TMEM19: variants seen among roughly 807,000 people sequenced by gnomAD.
The protein encoded by TMEM19 is transmembrane protein 19.
Under a neutral mutation model 33.6 loss-of-function variants are expected in TMEM19, and 21 were observed. The ratio of observed to expected loss-of-function variants is 0.62; its 90% CI spans 0.44 to 0.90. TMEM19 has a LOEUF of 0.90. Ranked by LOEUF, TMEM19 falls within the 40% of genes least tolerant of loss-of-function variation. TMEM19 has a pLI of 0.00. For synonymous variants in TMEM19, 149 were observed against 147.5 expected, an observed-to-expected ratio of 1.01 and a Z score of -0.07; for missense variants, 402 against 401.8, an observed-to-expected ratio of 1.00 and a Z score of 0.00.
chr12:71,686,784 T>C lies in TMEM19; in HGVS notation c.104T>C (p.Ile35Thr). The C allele has an allele frequency of 6.2e-7, 1 of 1,612,302 alleles. No individual in the cohort carries two copies. The highest frequency in any genetic ancestry group is 8.5e-7 in the Non-Finnish European group (1 of 1,179,644). ...TGCATTTCGTTAGCTTTCTGGATTA[T>C]ATCAATGACTGCAAGCACCTATTAT... ...IICISLAFWI[I>T]SMTASTYYGN... is the part of the protein sequence containing the mutation. The change falls in exon 1 of 6, where the codon ATA becomes ACA. Residue 35 changes from isoleucine to threonine, a missense_variant. By Grantham distance (89) the Ile-to-Thr change is moderately conservative (BLOSUM62 -1). Coordinates refer to ENST00000266673, the MANE Select transcript of TMEM19 (RefSeq NM_018279.4).
At chr12:71,698,793 G>GA in intron 4 of TMEM19, 107 bp from the exon 5 acceptor site, 1 of 950,592 alleles carries the variant, frequency 1.1e-6, no homozygotes, top group South Asian at 1.6e-5. Context: ...GCATTAAAGA[G>GA]AATGCTTTCT....
In TMEM19 at chr12:71,701,118, T is replaced by A; in HGVS notation, c.*123T>A. The A allele has an allele frequency of 1.0e-6, 1 of 994,074 alleles. No individual in the cohort carries two copies. Among genetic ancestry groups the A allele is most frequent in the Non-Finnish European group, 1.4e-6 (1 of 702,518 alleles). 61.6% of individuals were successfully genotyped at this position (994,074 alleles called of 1,614,324 possible). On this transcript the variant is annotated 3_prime_UTR_variant, in exon 6 of 6. Coordinates refer to ENST00000266673, the MANE Select transcript of TMEM19 (RefSeq NM_018279.4). ...AATGCCAGTTCCTCCTGTATTCCATTGAGATGGGATTTCACATTTTCCTCT... is the reference window on the plus strand; with the variant it reads ...AATGCCAGTTCCTCCTGTATTCCATAGAGATGGGATTTCACATTTTCCTCT...
chr12:71,690,261 C>A (rs1247620431), intron 2 of TMEM19: 1 of 152,726 alleles, frequency 6.5e-6, no homozygotes, highest in East Asian at 1.9e-4. Flanking sequence ...TCAAGCGATT[C>A]TTGTGCCTCA....
At chr12:71,689,479 G>T in intron 1 of TMEM19, 112 bp from the exon 2 acceptor site, 2 of 780,584 alleles carry the variant, frequency 2.6e-6, no homozygotes, top group Non-Finnish European at 4.6e-6. Flanking sequence ...CTTCATCTTG[G>T]TGTTTGTACT....
In TMEM19 at chr12:71,703,926, A is replaced by G; in HGVS notation, c.*2931A>G. ...AGTCTTACATGTATTTTACTGTAAC[A>G]TCTTTTGAATTGGATATTTAACTAA... is the stretch of plus-strand genomic sequence containing the variant. On this transcript the variant is annotated 3_prime_UTR_variant, in exon 6 of 6. Coordinates refer to ENST00000266673, the MANE Select transcript of TMEM19 (RefSeq NM_018279.4). The G allele has an allele frequency of 2.7e-6, 1 of 375,040 alleles. No homozygotes were observed. Among genetic ancestry groups the G allele is most frequent in the Non-Finnish European group, 5.5e-6 (1 of 181,704 alleles). The allele number at this position is 375,040 out of a possible 1,614,324, so 23.2% of individuals were successfully genotyped here.
At chr12:71,693,147 A>G (rs748779355) in intron 2 of TMEM19, among the ~76,000 whole-genome samples, 18 of 151,812 alleles carry the variant, frequency 1.2e-4, no homozygotes, top group Non-Finnish European at 2.7e-4. Flanking sequence ...GTGAGCTGAG[A>G]TCATGCTGCT....
At chr12:71,687,974 G>C (rs531664161) in intron 1 of TMEM19, among the ~76,000 whole-genome samples, 9 of 152,298 alleles carry the variant, frequency 5.9e-5, no homozygotes, top group African/African-American at 1.9e-4. Flanking sequence ...AGTGCAGTTC[G>C]TTCATAATGA....
chr12:71,699,312 C>T, intron 5 of TMEM19: 1 of 619,452 alleles, frequency 1.6e-6, no homozygotes, highest in South Asian at 2.0e-5. Flanking sequence ...TCCCGCGCAG[C>T]AATGATTAGA....
intron 5 of TMEM19, 198 bp downstream of exon 5, chr12:71,699,307 C>T (rs143175878): frequency 2.9e-5 from 18 of 623,246 alleles, no homozygotes; most frequent in East Asian, 8.2e-5. Flanking sequence ...ATTAGTCCCG[C>T]GCAGCAATGA....
intron 5 of TMEM19, chr12:71,699,495 T>C: frequency 3.5e-6 from 1 of 282,484 alleles, no homozygotes; most frequent in Non-Finnish European, 6.6e-6. Flanking sequence ...ACACACGACC[T>C]ACTTTCTTAC....
chr12:71,693,345 C>G (rs773052996), intron 2 of TMEM19, among the ~76,000 whole-genome samples: 1 of 151,980 alleles, frequency 6.6e-6, no homozygotes, highest in Non-Finnish European at 1.5e-5. Flanking sequence ...TACAGGCACG[C>G]GCCGCCACAC....
intron 3 of TMEM19, 58 bp downstream of exon 3, chr12:71,696,631 G>A (rs12228639): frequency 7.5e-7 from 1 of 1,329,886 alleles, no homozygotes; most frequent in Admixed American, 2.7e-5. Context: ...CTAACATAAG[G>A]TTTTTTTTTG....
At chr12:71,697,144 C>A in intron 3 of TMEM19, 136 bp from the exon 4 acceptor site, 3 of 1,222,302 alleles carry the variant, frequency 2.5e-6, no homozygotes, top group Non-Finnish European at 2.2e-6. Context: ...GCAAATGTAC[C>A]ATAACACTTT....
intron 4 of TMEM19, 129 bp from the exon 5 acceptor site, chr12:71,698,771 A>T (rs1200199943): frequency 2.6e-6 from 2 of 766,060 alleles, no homozygotes; most frequent in Non-Finnish European, 4.3e-6. Flanking sequence ...AAAAAGCTAC[A>T]GTCTTTAGAT....
At chr12:71,691,074 C>T (rs900196956) in intron 2 of TMEM19, among the ~76,000 whole-genome samples, 4 of 152,062 alleles carry the variant, frequency 2.6e-5, no homozygotes, top group East Asian at 1.9e-4. Flanking sequence ...GAATTAAATG[C>T]GATAATTTAA....
chr12:71,698,382 T>A (rs1220162193), intron 4 of TMEM19, among the ~76,000 whole-genome samples: 1 of 152,216 alleles, frequency 6.6e-6, no homozygotes, highest in Non-Finnish European at 1.5e-5. Context: ...ATTATTTATA[T>A]CTTATAAAGA....
chr12:71,701,101 T>C lies in TMEM19; in HGVS notation c.*106T>C. 1.7e-6 allele frequency: 2 copies of C among 1,182,396 alleles called. No individual in the cohort carries two copies. The highest frequency in any genetic ancestry group is 2.3e-6 in the Non-Finnish European group (2 of 863,090). The allele number at this position is 1,182,396 out of a possible 1,614,324, so 73.2% of individuals were successfully genotyped here. ...TGTAATGGCAAAGCGGAAATGCCAG[T>C]TCCTCCTGTATTCCATTGAGATGGG... On this transcript the variant is annotated 3_prime_UTR_variant, in exon 6 of 6. Coordinates refer to ENST00000266673, the MANE Select transcript of TMEM19 (RefSeq NM_018279.4).
At chr12:71,686,917 T>C (rs900861662) in intron 1 of TMEM19, 107 bp downstream of exon 1, 11 of 1,143,534 alleles carry the variant, frequency 9.6e-6, no homozygotes, top group Non-Finnish European at 1.3e-5. Context: ...TTATGAATGG[T>C]TGTGTTTACT....
At chr12:71,698,610 AGAGAG>A (rs1366506834) in intron 4 of TMEM19, among the ~76,000 whole-genome samples, 1,832 of 47,598 alleles carry the variant, frequency 0.038, 46 homozygotes, top group South Asian at 0.088. Context: ...CTCTGAAAAG[AGAGAG>A]AGAGAGAGAG....
Sources: gnomAD v4.1 joint callset for allele counts (sites outside exome capture counted in the v4.1 genomes callset) on GRCh38, gnomAD v4.1.1 for gene constraint, MANE v1.5 for transcripts, NCBI Gene and HGNC (gene_info 2026-07-23, HGNC 2026-07-21) for gene names.